The following RNF144A variants were observed in gnomAD, a reference collection of about 807,000 sequenced individuals.
RNF144A encodes E3 ubiquitin-protein ligase RNF144A.
A neutral mutation model predicts 38.7 loss-of-function variants in RNF144A; 11 were observed. The observed-to-expected ratio is 0.28, with a 90% confidence interval of 0.18 to 0.47. RNF144A has a LOEUF of 0.47. Among genes scored for constraint, RNF144A ranks in the 20% least tolerant of loss-of-function variants. The probability of loss-of-function intolerance (pLI) is 0.99; values close to 1 mark genes in which losing one functional copy is unlikely to be tolerated. For missense variants in RNF144A, 316 were observed against 377.2 expected (o/e 0.84, Z 1.34); for synonymous variants, 149 against 143.9 (o/e 1.04, Z -0.25).
Position 7,030,074 on chromosome 2 carries a change from G to C in RNF144A, c.658-52G>C. 3.9e-6 allele frequency: 5 copies of C among 1,274,002 alleles called. 1 individual carries two copies. The highest frequency in any genetic ancestry group is 5.7e-6 in the Non-Finnish European group (5 of 871,918). The allele number at this position is 1,274,002 out of a possible 1,614,324, so 78.9% of individuals were successfully genotyped here. Reference sequence around the variant, plus strand: ...TGCATCAATGGCTGTGATACTCACCGAACTGAGCAGGAACCACTCGTTCAT... The same window carrying C: ...TGCATCAATGGCTGTGATACTCACCCAACTGAGCAGGAACCACTCGTTCAT... On this transcript the variant is annotated intron_variant, in intron 7 of 8. Transcript: ENST00000320892.
chr2:6,983,922 A>G (rs1336343815), intron 2 of RNF144A, among the ~76,000 whole-genome samples: 1 of 152,196 alleles, frequency 6.6e-6, no homozygotes, highest in Non-Finnish European at 1.5e-5. Context: ...GAAACTGCAC[A>G]TTCTGAGCAG....
intron 2 of RNF144A, among the ~76,000 whole-genome samples, chr2:6,975,232 G>A (rs1181305289): frequency 2.0e-5 from 3 of 152,086 alleles, no homozygotes; most frequent in Non-Finnish European, 4.4e-5. Flanking sequence ...ACTTGTGCAG[G>A]GAAATTCCCG....
At chr2:6,961,618 C>T (rs910271944) in intron 2 of RNF144A, among the ~76,000 whole-genome samples, 41 of 152,290 alleles carry the variant, frequency 2.7e-4, no homozygotes, top group African/African-American at 6.3e-4. Context: ...AGGAAAGCTC[C>T]GATGCAAGGA....
rs1664229211 is a variant in RNF144A, at chr2:6,917,829, C to T, written c.-212+207C>T. ...TCGCGGGCTCCGTTCAGAGGACGCC[C>T]GCCCTGCCCTGCCCGTGTCCCTGAC... On this transcript the variant is annotated intron_variant, in intron 1 of 8. Transcript: ENST00000320892. This position sits in a 1 kb window ranked among gnomAD's most constrained non-coding sequence, Gnocchi z 4.8. Among the ~76,000 whole-genome samples the T allele has an allele frequency of 6.6e-6, 1 of 150,856 alleles. No homozygotes were observed. Among genetic ancestry groups the T allele is most frequent in the African/African-American group, 2.4e-5 (1 of 41,266 alleles).
intron 5 of RNF144A, 95 bp downstream of exon 5, chr2:7,014,867 C>A: frequency 1.2e-6 from 1 of 851,784 alleles, no homozygotes; most frequent in Non-Finnish European, 1.9e-6. Context: ...GGTTATACAG[C>A]ATTTGATAGG....
chr2:7,053,599 C>T (rs924447671), intron 6 of RNF144A, among the ~76,000 whole-genome samples: 3 of 152,174 alleles, frequency 2.0e-5, no homozygotes, highest in African/African-American at 7.2e-5. Context: ...CAGTTCCATG[C>T]CATGTGGGTT....
At chr2:6,999,318 G>A (rs1203490259) in intron 3 of RNF144A, among the ~76,000 whole-genome samples, 1 of 152,204 alleles carries the variant, frequency 6.6e-6, no homozygotes, top group East Asian at 1.9e-4. Flanking sequence ...AGGAGGTGTC[G>A]GGGTGCCCTG....
chr2:7,002,242 T>G (rs1235003165), intron 3 of RNF144A, among the ~76,000 whole-genome samples: 2 of 152,218 alleles, frequency 1.3e-5, no homozygotes, highest in African/African-American at 4.8e-5. Flanking sequence ...ATAGCGGATA[T>G]TTATTTAATT....
At chr2:7,054,440 T>C (rs1016327797) in intron 6 of RNF144A, among the ~76,000 whole-genome samples, 1 of 152,178 alleles carries the variant, frequency 6.6e-6, no homozygotes, top group Admixed American at 6.5e-5. Context: ...GTAAGGGAAT[T>C]ATATAGGGTA....
intron 5 of RNF144A, among the ~76,000 whole-genome samples, chr2:7,016,116 A>AG (rs1166575161): frequency 2.6e-5 from 4 of 151,200 alleles, no homozygotes. Context: ...AAAAAAAAAA[A>AG]AAAAAAGAAA....
chr2:6,936,525 CTTTA>C (rs1665595196), intron 1 of RNF144A, among the ~76,000 whole-genome samples: 3 of 152,032 alleles, frequency 2.0e-5, no homozygotes, highest in Non-Finnish European at 4.4e-5. Flanking sequence ...ATTTTAGAGC[CTTTA>C]TTTAACAAGG....
chr2:7,026,278 A>T (rs1394109999), intron 7 of RNF144A, among the ~76,000 whole-genome samples: 2 of 152,246 alleles, frequency 1.3e-5, no homozygotes, highest in African/African-American at 4.8e-5. Context: ...AATTAATAGT[A>T]GAACGTGATG....
chr2:7,075,411 C>T, the RNF144A span, among the ~76,000 whole-genome samples: 27 of 152,194 alleles, frequency 1.8e-4, no homozygotes, highest in African/African-American at 6.3e-4. Context: ...AACATCTCTC[C>T]CAAAATTTCG....
At chr2:7,062,073 A>T (rs539621716) in intron 6 of RNF144A, among the ~76,000 whole-genome samples, 2 of 152,166 alleles carry the variant, frequency 1.3e-5, no homozygotes, top group Non-Finnish European at 2.9e-5. Flanking sequence ...GCCACCTGTG[A>T]CCAGCTCGGG....
intron 6 of RNF144A, among the ~76,000 whole-genome samples, chr2:7,064,564 G>C (rs990167713): frequency 1.3e-5 from 2 of 152,106 alleles, no homozygotes; most frequent in African/African-American, 2.4e-5. Flanking sequence ...CTGTCTCAAG[G>C]CTTTCAGAAC....
intron 1 of RNF144A, among the ~76,000 whole-genome samples, chr2:6,925,789 A>T (rs1664817827): frequency 6.6e-6 from 1 of 152,160 alleles, no homozygotes; most frequent in Non-Finnish European, 1.5e-5. Context: ...AAACACCCTA[A>T]TAAGGTCACA....
At chr2:6,948,474 G>C (rs913146925) in intron 2 of RNF144A, among the ~76,000 whole-genome samples, 6 of 152,222 alleles carry the variant, frequency 3.9e-5, no homozygotes, top group African/African-American at 1.4e-4. Flanking sequence ...CAATGTCCCT[G>C]TGAGCTGTGG....
chr2:7,066,176 C>T (rs1349567716), intron 6 of RNF144A, among the ~76,000 whole-genome samples: 3 of 152,120 alleles, frequency 2.0e-5, no homozygotes, highest in Admixed American at 6.5e-5. Flanking sequence ...CAAGCTCCGC[C>T]TCCTGGGTTT....
At chr2:6,987,865 T>G (rs1380848482) in intron 2 of RNF144A, among the ~76,000 whole-genome samples, 3 of 152,238 alleles carry the variant, frequency 2.0e-5, no homozygotes, top group Admixed American at 2.0e-4. Context: ...CTTTCTTTCT[T>G]TTTTTGTATT....
Sources: allele counts gnomAD v4.1 joint callset (sites outside exome capture counted in the v4.1 genomes callset), GRCh38; gene constraint gnomAD v4.1.1; non-coding constraint Gnocchi (gnomAD v3.1); transcripts MANE v1.5; gene names NCBI Gene and HGNC (gene_info 2026-07-23, HGNC 2026-07-21).